Variants in SUGCT observed in about 807,000 individuals in gnomAD.
SUGCT encodes succinyl-CoA:glutarate-CoA transferase, also known as succinyl-CoA:glutarate CoA-transferase.
Under a neutral mutation model 55.0 loss-of-function variants are expected in SUGCT, and 41 were observed. That is an observed-to-expected ratio of 0.74 (90% confidence interval 0.58 to 0.97). SUGCT has a LOEUF of 0.97. SUGCT is among the 50% of genes least tolerant of loss of function. The probability of loss-of-function intolerance (pLI) is 0.00; values close to 1 mark genes in which losing one functional copy is unlikely to be tolerated. For synonymous variants in SUGCT, 187 were observed against 200.4 expected, an observed-to-expected ratio of 0.93 and a Z score of 0.56; for missense variants, 568 against 547.8, an observed-to-expected ratio of 1.04 and a Z score of -0.37.
At chr7:41,037,870 T>C in the SUGCT span, among the ~76,000 whole-genome samples, 1 of 152,116 alleles carries the variant, frequency 6.6e-6, no homozygotes, top group African/African-American at 2.4e-5. Context: ...GCAGGTCCGA[T>C]GTTGGAAACT....
At chr7:40,258,231 G>A (rs1790948572) in intron 7 of SUGCT, among the ~76,000 whole-genome samples, 1 of 152,118 alleles carries the variant, frequency 6.6e-6, no homozygotes, top group Non-Finnish European at 1.5e-5. Flanking sequence ...ATTACTTTGA[G>A]CAGCCATTGA....
chr7:40,750,811 G>A (rs1349948622), intron 13 of SUGCT, among the ~76,000 whole-genome samples: 3 of 152,090 alleles, frequency 2.0e-5, no homozygotes, highest in African/African-American at 7.2e-5. Flanking sequence ...ATGTTATATG[G>A]TATAGAAAAG....
At chr7:40,184,511 T>G (rs899218386) in intron 3 of SUGCT, among the ~76,000 whole-genome samples, 9 of 151,984 alleles carry the variant, frequency 5.9e-5, no homozygotes, top group African/African-American at 1.9e-4. Context: ...TTTTTTTTTT[T>G]TGGTAAAAAC....
chr7:40,942,670 T>A, the SUGCT span, among the ~76,000 whole-genome samples: 1 of 152,182 alleles, frequency 6.6e-6, no homozygotes, highest in African/African-American at 2.4e-5. Flanking sequence ...CACTTTTTGT[T>A]TTTTCTTCTC....
chr7:40,328,521 A>G (rs567611049), intron 9 of SUGCT, among the ~76,000 whole-genome samples: 43 of 152,102 alleles, frequency 2.8e-4, no homozygotes, highest in Non-Finnish European at 5.9e-5. Context: ...TCCAGGGCCT[A>G]AGGAGGGGGA....
intron 12 of SUGCT, among the ~76,000 whole-genome samples, chr7:40,527,837 T>C (rs1443130340): frequency 6.6e-6 from 1 of 152,218 alleles, no homozygotes; most frequent in Non-Finnish European, 1.5e-5. Context: ...GTTCTGGGAA[T>C]TATTATGCAT....
intron 9 of SUGCT, among the ~76,000 whole-genome samples, chr7:40,331,297 A>AT (rs554779064): frequency 2.0e-5 from 3 of 151,410 alleles, no homozygotes; most frequent in African/African-American, 7.3e-5. Flanking sequence ...TTACTGCTGA[A>AT]TTTTTTTTTC....
intron 12 of SUGCT, among the ~76,000 whole-genome samples, chr7:40,720,549 G>A (rs1486610967): frequency 6.6e-6 from 1 of 152,114 alleles, no homozygotes; most frequent in Non-Finnish European, 1.5e-5. Flanking sequence ...ACTATTTGGG[G>A]CCCTTCAGTG....
chr7:40,750,003 G>C (rs1194812210), intron 13 of SUGCT, among the ~76,000 whole-genome samples: 2 of 152,170 alleles, frequency 1.3e-5, no homozygotes, highest in Non-Finnish European at 2.9e-5. Context: ...ACCCAGAATA[G>C]ATTGAATTTT....
rs574724708 is a variant in SUGCT, at chr7:40,170,946, G to A, written c.101-10001G>A. On this transcript the variant is annotated intron_variant, in intron 1 of 13. Transcript: ENST00000335693. ...TACCAGCATACCCGACATTGCCTTT[G>A]CGCTCAGGGGTGAGTTCTAGAGTTG... Among the ~76,000 whole-genome samples the A allele has an allele frequency of 2.3e-3, 345 of 152,244 alleles. 2 individuals are homozygous for A. Among genetic ancestry groups the A allele is most frequent in the Middle Eastern group, 0.017 (5 of 294 alleles).
chr7:40,415,838 A>G (rs967658716), intron 9 of SUGCT, among the ~76,000 whole-genome samples: 3 of 152,024 alleles, frequency 2.0e-5, no homozygotes, highest in Admixed American at 2.0e-4. Context: ...CAACCACTCA[A>G]TTATTTGCTT....
chr7:40,813,403 G>A (rs935814797), intron 13 of SUGCT, among the ~76,000 whole-genome samples: 2 of 152,078 alleles, frequency 1.3e-5, no homozygotes. Flanking sequence ...AATGTTGGAT[G>A]TATATATATT....
chr7:40,245,746 A>T (rs1271940194), intron 7 of SUGCT, among the ~76,000 whole-genome samples: 4 of 151,832 alleles, frequency 2.6e-5, no homozygotes, highest in African/African-American at 9.7e-5. Context: ...CATAGTAGAT[A>T]TATATTTATG....
intron 1 of SUGCT, among the ~76,000 whole-genome samples, chr7:40,166,064 G>A (rs958591304): frequency 6.6e-6 from 1 of 152,158 alleles, no homozygotes; most frequent in African/African-American, 2.4e-5. Flanking sequence ...GGAGGTTGCA[G>A]GGAGCCGAGA....
the SUGCT span, among the ~76,000 whole-genome samples, chr7:41,025,430 C>T: frequency 7.9e-3 from 1,203 of 151,568 alleles, 16 homozygotes; most frequent in African/African-American, 0.028. Flanking sequence ...AGTGCAGTGG[C>T]GTGATCTCAG....
intron 12 of SUGCT, among the ~76,000 whole-genome samples, chr7:40,563,662 C>T (rs971597839): frequency 8.6e-5 from 13 of 151,084 alleles, no homozygotes; most frequent in Admixed American, 3.3e-4. Flanking sequence ...TGCAATGAGC[C>T]GTGATTGCAC....
intron 9 of SUGCT, among the ~76,000 whole-genome samples, chr7:40,327,936 G>A (rs1796100654): frequency 6.6e-6 from 1 of 152,126 alleles, no homozygotes; most frequent in Non-Finnish European, 1.5e-5. Flanking sequence ...TTCACATGTG[G>A]AAACTGAGGC....
At chr7:40,926,100 A>T in the SUGCT span, among the ~76,000 whole-genome samples, 183 of 141,814 alleles carry the variant, frequency 1.3e-3, no homozygotes, top group Middle Eastern at 3.6e-3. Context: ...GTTCCTGTTT[A>T]AAAAAAAAAA....
At chr7:40,384,214 TG>T (rs1785005702) in intron 9 of SUGCT, among the ~76,000 whole-genome samples, 1 of 152,068 alleles carries the variant, frequency 6.6e-6, no homozygotes, top group Non-Finnish European at 1.5e-5. Flanking sequence ...GTAAGTGCAT[TG>T]GGTGGAGGAT....
Sources: gnomAD v4.1 joint callset for allele counts (sites outside exome capture counted in the v4.1 genomes callset) on GRCh38, gnomAD v4.1.1 for gene constraint, MANE v1.5 for transcripts, NCBI Gene and HGNC (gene_info 2026-07-23, HGNC 2026-07-21) for gene names.